The following MBOAT2 variants were observed in gnomAD, a reference collection of about 807,000 sequenced individuals.
MBOAT2 encodes membrane-bound glycerophospholipid O-acyltransferase 2.
Under a neutral mutation model 63.4 loss-of-function variants are expected in MBOAT2, and 28 were observed. The observed-to-expected ratio is 0.44, with a 90% CI of 0.33 to 0.61. The LOEUF is 0.61. MBOAT2 is among the 20% of genes least tolerant of loss of function. The pLI, the probability that MBOAT2 is intolerant of heterozygous loss-of-function variation, is 0.03. For missense variants in MBOAT2, 470 were observed against 605.8 expected, an observed-to-expected ratio of 0.78 and a Z score of 2.35; for synonymous variants, 211 against 215.6, an observed-to-expected ratio of 0.98 and a Z score of 0.19.
intron 3 of MBOAT2, among the ~76,000 whole-genome samples, chr2:8,915,457 TTAA>T (rs1354450913): frequency 1.8e-4 from 27 of 152,134 alleles, no homozygotes; most frequent in African/African-American, 6.5e-4. Context: ...ACCTGGTTCT[TTAA>T]TGACATTGTT....
intron 1 of MBOAT2, among the ~76,000 whole-genome samples, chr2:9,000,889 A>G (rs56349035): frequency 0.018 from 2,809 of 152,346 alleles, 60 homozygotes; most frequent in African/African-American, 0.056. Context: ...CTTTTATAAT[A>G]ACAGCGTAAA....
chr2:8,875,906 G>T (rs890097407), intron 7 of MBOAT2, among the ~76,000 whole-genome samples: 1 of 152,252 alleles, frequency 6.6e-6, no homozygotes, highest in Non-Finnish European at 1.5e-5. Flanking sequence ...GACATGGTAG[G>T]AAAGAGGTAA....
Position 8,857,781 on chromosome 2 carries a change from T to A in MBOAT2, c.*898A>T, listed in dbSNP as rs1330090542. ...CCAAAGTATCACGAAGTCATTCAAC[T>A]TTTTTTTTAAGTCTCACATGACGGC... On this transcript the variant is annotated 3_prime_UTR_variant, in exon 13 of 13. Coordinates refer to ENST00000305997, the MANE Select transcript of MBOAT2 (RefSeq NM_138799.4). 1 of 151,544 alleles carries A rather than the reference T, an allele frequency of 6.6e-6. No homozygotes were observed. The highest frequency in any genetic ancestry group is 1.5e-5 in the Non-Finnish European group (1 of 67,818). 9.4% of individuals were successfully genotyped at this position (151,544 alleles called of 1,614,324 possible). A position where few individuals can be genotyped will look rare whatever the true frequency, so the allele number is the denominator to read the frequency against.
chr2:8,958,638 T>C lies in MBOAT2; in HGVS notation c.80A>G (p.Asn27Ser), dbSNP rs767103005. ...GGCAAAGAGTTGGCACACTACAAAG[T>C]TGACCTGTAAAGAAAAATTAAAATT... Reference protein sequence around the residue: ...NAVQLPIDQVNFVVCQLFALL... With the variant: ...NAVQLPIDQVSFVVCQLFALL... The change falls in exon 2 of 13, where the codon AAC (asparagine) becomes AGC (serine). Residue 27 changes from asparagine (N) to serine (S), a missense_variant. This residue lies in a region of MBOAT2 where 376 missense variants were observed against 503.8 expected (regional missense o/e 0.75). Coordinates refer to ENST00000305997, the MANE Select transcript of MBOAT2 (RefSeq NM_138799.4). 1 of 1,568,382 alleles carries C rather than the reference T, an allele frequency of 6.4e-7. No individual in the cohort carries two copies. Among genetic ancestry groups the C allele is most frequent in the African/African-American group, 1.4e-5 (1 of 72,494 alleles).
At chr2:8,894,709 C>A (rs946956526) in intron 4 of MBOAT2, among the ~76,000 whole-genome samples, 12 of 152,256 alleles carry the variant, frequency 7.9e-5, no homozygotes, top group African/African-American at 2.9e-4. Flanking sequence ...CAGACCCTCA[C>A]GGTGACAGTT....
intron 2 of MBOAT2, among the ~76,000 whole-genome samples, chr2:8,947,887 T>C (rs1668535155): frequency 6.6e-6 from 1 of 152,238 alleles, no homozygotes; most frequent in African/African-American, 2.4e-5. Flanking sequence ...GGAGCAATTC[T>C]GACTTTCAAG....
At chr2:8,969,011 T>A (rs1163902981) in intron 1 of MBOAT2, among the ~76,000 whole-genome samples, 2 of 152,106 alleles carry the variant, frequency 1.3e-5, no homozygotes, top group Admixed American at 6.5e-5. Flanking sequence ...AACATTCAAA[T>A]TCAGGAAATA....
chr2:8,973,304 G>A (rs1670580441), intron 1 of MBOAT2, among the ~76,000 whole-genome samples: 1 of 148,794 alleles, frequency 6.7e-6, no homozygotes, highest in Non-Finnish European at 1.5e-5. Context: ...TCACTCATTG[G>A]TGGGAACTGA....
chr2:8,959,220 C>A (rs548261148), intron 1 of MBOAT2, among the ~76,000 whole-genome samples: 106 of 152,192 alleles, frequency 7.0e-4, no homozygotes, highest in Middle Eastern at 3.4e-3. Context: ...AGGATTGGCT[C>A]CCAAGGGGAA....
chr2:8,956,341 C>A (rs1376214004), intron 2 of MBOAT2, among the ~76,000 whole-genome samples: 1 of 152,092 alleles, frequency 6.6e-6, no homozygotes, highest in Non-Finnish European at 1.5e-5. Context: ...ATCCGTCTTT[C>A]CAAAGAAAGA....
intron 3 of MBOAT2, among the ~76,000 whole-genome samples, chr2:8,917,723 C>G (rs1666287324): frequency 1.3e-5 from 2 of 152,192 alleles, no homozygotes; most frequent in Admixed American, 1.3e-4. Context: ...AGCAATTCCT[C>G]TCCTAGGTAT....
intron 4 of MBOAT2, among the ~76,000 whole-genome samples, chr2:8,889,603 T>C (rs779039707): frequency 1.2e-4 from 18 of 152,208 alleles, no homozygotes; most frequent in Non-Finnish European, 1.8e-4. Context: ...AAATGCCCTA[T>C]AATTTCCATT....
chr2:8,971,057 C>A (rs1439819516), intron 1 of MBOAT2, among the ~76,000 whole-genome samples: 1 of 152,022 alleles, frequency 6.6e-6, no homozygotes, highest in Non-Finnish European at 1.5e-5. Context: ...GGCAGAGACA[C>A]AAGAAAAAAA....
chr2:8,867,232 G>C (rs1447825161), intron 9 of MBOAT2, among the ~76,000 whole-genome samples: 1 of 152,002 alleles, frequency 6.6e-6, no homozygotes, highest in Non-Finnish European at 1.5e-5. Context: ...GCCCAGGCTG[G>C]TCTCAAACTC....
At chr2:8,975,291 C>G (rs951895534) in intron 1 of MBOAT2, among the ~76,000 whole-genome samples, 9 of 152,136 alleles carry the variant, frequency 5.9e-5, no homozygotes, top group Non-Finnish European at 1.0e-4. Flanking sequence ...TTTATTCATA[C>G]TTTTTGGGAT....
chr2:8,878,259 C>T (rs1662843113), intron 6 of MBOAT2, among the ~76,000 whole-genome samples: 1 of 152,146 alleles, frequency 6.6e-6, no homozygotes, highest in Non-Finnish European at 1.5e-5. Flanking sequence ...GGGTAGTTAA[C>T]ACAGGAGACT....
At chr2:8,871,875 T>C (rs777908994) in intron 8 of MBOAT2, among the ~76,000 whole-genome samples, 18 of 152,188 alleles carry the variant, frequency 1.2e-4, no homozygotes, top group Non-Finnish European at 2.5e-4. Context: ...GTAACAAATA[T>C]AAACAAGGCA....
At chr2:8,865,803 G>A (rs930814326) in intron 9 of MBOAT2, among the ~76,000 whole-genome samples, 1 of 152,196 alleles carries the variant, frequency 6.6e-6, no homozygotes, top group African/African-American at 2.4e-5. Context: ...TTGGGAGGCC[G>A]AGGTGGGTAG....
At position 8,958,661 on chromosome 2, in the gene MBOAT2, A is replaced by T. The variant is rs1230240591; in HGVS notation, c.76-19T>A. 1 of 1,544,750 alleles carries T rather than the reference A, an allele frequency of 6.5e-7. No homozygotes were observed. Among genetic ancestry groups the T allele is most frequent in the East Asian group, 2.3e-5 (1 of 43,398 alleles). On this transcript the variant is annotated intron_variant, in intron 1 of 12. Transcript: ENST00000305997. ...AGTTGACCTGTAAAGAAAAATTAAAATTTTGTATTAGCAACACAGACCTGA... is the reference window on the plus strand; with the variant it reads ...AGTTGACCTGTAAAGAAAAATTAAATTTTTGTATTAGCAACACAGACCTGA...
Sources: gnomAD v4.1 joint callset for allele counts (sites outside exome capture counted in the v4.1 genomes callset) on GRCh38, gnomAD v4.1.1 for gene constraint, gnomAD v4.1.1 regional missense constraint, MANE v1.5 for transcripts, NCBI Gene and HGNC (gene_info 2026-07-23, HGNC 2026-07-21) for gene names.